The following AXDND1 variants were observed in gnomAD, a reference collection of about 807,000 sequenced individuals.
AXDND1 encodes the protein axonemal dynein light chain domain containing 1, also known as axonemal dynein light chain domain-containing protein 1.
AXDND1 carries 110 observed loss-of-function variants against 137.5 expected under a neutral mutation model. The ratio of observed to expected loss-of-function variants is 0.80; its 90% confidence interval spans 0.69 to 0.94. The LOEUF is 0.94. Ranked by LOEUF, AXDND1 falls within the 40% of genes least tolerant of loss-of-function variation. AXDND1 has a pLI of 0.00. For synonymous variants in AXDND1, 414 were observed against 399.7 expected, an observed-to-expected ratio of 1.04 and a Z score of -0.43; for missense variants, 1,191 against 1,169.8, an observed-to-expected ratio of 1.02 and a Z score of -0.26.
At chr1:179,492,000 A>T (rs935031380) in intron 19 of AXDND1, among the ~76,000 whole-genome samples, 2 of 152,156 alleles carry the variant, frequency 1.3e-5, no homozygotes, top group African/African-American at 4.8e-5. Context: ...TTCTTGCATA[A>T]ATAAGACACA....
intron 21 of AXDND1, among the ~76,000 whole-genome samples, chr1:179,519,387 A>G (rs898858938): frequency 1.5e-4 from 23 of 152,138 alleles, no homozygotes; most frequent in African/African-American, 5.6e-4. Context: ...TCTTTAGTTT[A>G]ATTAGATATG....
intron 12 of AXDND1, among the ~76,000 whole-genome samples, chr1:179,416,138 A>G (rs1025646601): frequency 1.3e-5 from 2 of 151,892 alleles, no homozygotes; most frequent in Non-Finnish European, 2.9e-5. Context: ...TCTACTCTCT[A>G]TCTTCATGTG....
At chr1:179,462,780 A>T (rs1662546530) in intron 16 of AXDND1, among the ~76,000 whole-genome samples, 1 of 152,100 alleles carries the variant, frequency 6.6e-6, no homozygotes, top group Non-Finnish European at 1.5e-5. Context: ...TAGGCTATTA[A>T]TTATTGCCTC....
At chr1:179,461,886 C>T (rs1662372367) in intron 16 of AXDND1, among the ~76,000 whole-genome samples, 2 of 152,152 alleles carry the variant, frequency 1.3e-5, no homozygotes, top group Non-Finnish European at 2.9e-5. Context: ...GATTTTTGCA[C>T]ATTGATTTTG....
intron 25 of AXDND1, among the ~76,000 whole-genome samples, chr1:179,539,666 C>G (rs1671921032): frequency 6.6e-6 from 1 of 152,046 alleles, no homozygotes; most frequent in Non-Finnish European, 1.5e-5. Flanking sequence ...AAATATGTGT[C>G]TTGGGGTTGC....
rs372025134 is a variant in AXDND1 at position 179,399,646 on chromosome 1, A to C, written c.1109+4444A>C. Among the ~76,000 whole-genome samples, 36 of 152,350 alleles carry C rather than the reference A, an allele frequency of 2.4e-4. No homozygotes were observed. In the South Asian group the frequency reaches 7.3e-3, roughly 31 times the overall value. On this transcript the variant is annotated intron_variant, in intron 11 of 25. Transcript: ENST00000367618. ...TCAGCAGAGTAAACAGACAGCCCAC[A>C]GAATGGGAGAAAATCTTCACAATCT...
intron 18 of AXDND1, among the ~76,000 whole-genome samples, chr1:179,484,341 C>G (rs1665775991): frequency 6.6e-6 from 1 of 152,150 alleles, no homozygotes; most frequent in Non-Finnish European, 1.5e-5. Context: ...CAAGGCCTGC[C>G]TTGCTCCTTT....
chr1:179,386,208 C>T (rs771648956), intron 9 of AXDND1, among the ~76,000 whole-genome samples: 6 of 151,942 alleles, frequency 3.9e-5, no homozygotes, highest in East Asian at 1.9e-4. Flanking sequence ...CCTGCCACCA[C>T]GCCCGGCTAA....
At chr1:179,486,731 C>T (rs1218501349) in intron 18 of AXDND1, among the ~76,000 whole-genome samples, 1 of 148,728 alleles carries the variant, frequency 6.7e-6, no homozygotes, top group Non-Finnish European at 1.5e-5. Context: ...CCAAACTGAG[C>T]TTCATAAGCA....
chr1:179,527,677 T>G (rs1670662162), intron 22 of AXDND1, among the ~76,000 whole-genome samples: 2 of 152,218 alleles, frequency 1.3e-5, no homozygotes, highest in East Asian at 3.8e-4. Context: ...TCTTGCTTTC[T>G]GAGGATACCC....
chr1:179,502,528 C>T lies in AXDND1; in HGVS notation c.2389-6768C>T, dbSNP rs112623270. Among the ~76,000 whole-genome samples, 543 of 137,760 alleles carry T rather than the reference C, an allele frequency of 3.9e-3. 3 individuals are homozygous for T. The highest frequency in any genetic ancestry group is 0.014 in the African/African-American group (513 of 36,484). The allele number at this position is 137,760 out of a possible 152,430, so 90.4% of individuals were successfully genotyped here. A position where few individuals can be genotyped will look rare whatever the true frequency, so the allele number is the denominator to read the frequency against. ...GTGGTGAGCCAAGATTGCACCACTG[C>T]ACTTCAGCCTGGGCAAAAGAGCAAA... On this transcript the variant is annotated intron_variant, in intron 20 of 25. Coordinates refer to ENST00000367618, the MANE Select transcript of AXDND1 (RefSeq NM_144696.6).
Position 179,549,468 on chromosome 1 carries a change from C to G in AXDND1, c.3032-5044C>G, listed in dbSNP as rs1051277326. Among the ~76,000 whole-genome samples the G allele has an allele frequency of 5.3e-5, 8 of 152,144 alleles. 1 individual carries two copies. The highest frequency in any genetic ancestry group is 1.9e-4 in the African/African-American group (8 of 41,418). ...GTGCCAGACATCAGAGGAAACCAAA[C>G]AATAGGAGATACCATAGGCACTCCC... On this transcript the variant is annotated intron_variant, in intron 25 of 25. Transcript: ENST00000367618.
rs549484397 is a variant in AXDND1, at chr1:179,503,265, CTCTG to C, written c.2389-6029_2389-6026del. On this transcript the variant is annotated intron_variant, in intron 20 of 25. Coordinates refer to ENST00000367618, the MANE Select transcript of AXDND1 (RefSeq NM_144696.6). ...AACTGCATATGTGTATTTTATGTCTCTCTGTATGTATGACAGATCTCACAGTTTT... is the reference window on the plus strand; with the variant it reads ...AACTGCATATGTGTATTTTATGTCTCTATGTATGACAGATCTCACAGTTTT... 5.5e-4 allele frequency among the ~76,000 whole-genome samples: 84 copies of C among 152,128 alleles called. 1 individual carries two copies. Among genetic ancestry groups the C allele is most frequent in the African/African-American group, 2.0e-3 (84 of 41,516 alleles).
At chr1:179,460,502 A>G (rs528895737) in intron 16 of AXDND1, among the ~76,000 whole-genome samples, 4 of 152,210 alleles carry the variant, frequency 2.6e-5, no homozygotes, top group Non-Finnish European at 5.9e-5. Flanking sequence ...TAGTGCCACA[A>G]TAAACGTAGG....
chr1:179,528,460 T>A (rs1307208676), intron 23 of AXDND1, 29 bp downstream of exon 23: 4 of 1,479,186 alleles, frequency 2.7e-6, no homozygotes, highest in Non-Finnish European at 3.8e-6. Flanking sequence ...GCTAGGGAAT[T>A]CAACACTATT....
intron 4 of AXDND1, among the ~76,000 whole-genome samples, chr1:179,375,571 T>C (rs1668524079): frequency 6.7e-6 from 1 of 149,166 alleles, no homozygotes; most frequent in Non-Finnish European, 1.5e-5. Flanking sequence ...TATATGTACA[T>C]ACATATATGT....
chr1:179,471,076 T>C (rs1663869432), intron 17 of AXDND1, among the ~76,000 whole-genome samples: 1 of 152,226 alleles, frequency 6.6e-6, no homozygotes, highest in African/African-American at 2.4e-5. Flanking sequence ...AAATTAACTT[T>C]GCTTGCATAG....
At chr1:179,375,039 A>T (rs1036265822) in intron 4 of AXDND1, among the ~76,000 whole-genome samples, 1 of 151,940 alleles carries the variant, frequency 6.6e-6, no homozygotes, top group Non-Finnish European at 1.5e-5. Flanking sequence ...AAAGGCTGCT[A>T]AAGTAGGTTC....
Position 179,368,939 on chromosome 1 carries a change from C to T in AXDND1, c.237C>T (p.Asn79=), listed in dbSNP as rs1667747620. 6.2e-7 allele frequency: 1 copy of T among 1,613,444 alleles called. No individual in the cohort carries two copies. The change falls in exon 3 of 26, where the codon AAC becomes AAT. Residue 79 remains asparagine (N), a synonymous_variant. Coordinates refer to ENST00000367618, the MANE Select transcript of AXDND1 (RefSeq NM_144696.6). ...YAANAGPCPE[N]LLPPKKIKTP... ...CCAATGCTGGTCCTTGTCCTGAAAA[C>T]TTACTACCTCCTAAGAAAATTAAAA...
Sources: allele counts gnomAD v4.1 joint callset (sites outside exome capture counted in the v4.1 genomes callset), GRCh38; gene constraint gnomAD v4.1.1; transcripts MANE v1.5; gene names NCBI Gene and HGNC (gene_info 2026-07-23, HGNC 2026-07-21).